The following HIP1 variants were observed in gnomAD, a reference collection of about 807,000 sequenced individuals.
HIP1 encodes huntingtin interacting protein 1.
HIP1 carries 65 observed loss-of-function variants against 147.6 expected under a neutral mutation model. The ratio of observed to expected loss-of-function variants is 0.44; its 90% CI spans 0.36 to 0.54. The LOEUF is 0.54. Ranked by LOEUF, HIP1 falls within the 20% of genes least tolerant of loss-of-function variation. The pLI, the probability that HIP1 is intolerant of heterozygous loss-of-function variation, is 0.00. For missense variants in HIP1, 1,061 were observed against 1,299.6 expected, an observed-to-expected ratio of 0.82 and a Z score of 2.82; for synonymous variants, 479 against 504.0, an observed-to-expected ratio of 0.95 and a Z score of 0.67.
intron 1 of HIP1, among the ~76,000 whole-genome samples, chr7:75,647,188 A>C (rs1798824185): frequency 7.2e-6 from 1 of 138,318 alleles, no homozygotes; most frequent in African/African-American, 2.7e-5. Context: ...CAATATGGCG[A>C]AACCCCATCT....
intron 5 of HIP1, among the ~76,000 whole-genome samples, chr7:75,585,911 C>T (rs1427902105): frequency 6.6e-6 from 1 of 151,844 alleles, no homozygotes; most frequent in Non-Finnish European, 1.5e-5. Context: ...ACTTCCCAGG[C>T]TCAAGGTATC....
chr7:75,554,042 G>A (rs143339513), intron 21 of HIP1, 71 bp downstream of exon 21: 2 of 1,177,774 alleles, frequency 1.7e-6, no homozygotes, highest in African/African-American at 3.0e-5. Context: ...ACTGCGCCCG[G>A]CCCAACAGAG....
At chr7:75,713,898 C>G (rs1445085234) in intron 1 of HIP1, among the ~76,000 whole-genome samples, 3 of 151,750 alleles carry the variant, frequency 2.0e-5, no homozygotes, top group African/African-American at 7.3e-5. Flanking sequence ...CAGGGTTTCA[C>G]TATGTCAGCC....
At chr7:75,725,356 GT>G (rs1189453452) in intron 1 of HIP1, among the ~76,000 whole-genome samples, 2 of 151,854 alleles carry the variant, frequency 1.3e-5, no homozygotes, top group Non-Finnish European at 2.9e-5. Context: ...TTTTAAGTTT[GT>G]ATTTTGAAAT....
intron 1 of HIP1, among the ~76,000 whole-genome samples, chr7:75,623,197 C>CAA (rs36071638): frequency 2.5e-4 from 13 of 51,574 alleles, no homozygotes; most frequent in East Asian, 6.1e-4. Context: ...GACTCCATCT[C>CAA]AAAAAAAAAA....
intron 1 of HIP1, among the ~76,000 whole-genome samples, chr7:75,734,142 A>T (rs1388148556): frequency 6.6e-6 from 1 of 151,950 alleles, no homozygotes; most frequent in Non-Finnish European, 1.5e-5. Flanking sequence ...GCTACTCGAG[A>T]GGCCGAGGCA....
chr7:75,691,705 T>G (rs112770065), intron 1 of HIP1, among the ~76,000 whole-genome samples: 10,568 of 151,976 alleles, frequency 0.07, 554 homozygotes, highest in African/African-American at 0.14. Context: ...GAAGAATTGC[T>G]TGAACCCGGG....
chr7:75,543,900 T>C (rs1281724051), intron 27 of HIP1, among the ~76,000 whole-genome samples: 3 of 151,962 alleles, frequency 2.0e-5, no homozygotes, highest in African/African-American at 7.2e-5. Flanking sequence ...AGGCCAGGTG[T>C]GGTGGCTCAC....
chr7:75,718,581 T>C (rs1480685900), intron 1 of HIP1, among the ~76,000 whole-genome samples: 1 of 152,194 alleles, frequency 6.6e-6, no homozygotes, highest in African/African-American at 2.4e-5. Context: ...CAAACGCCAG[T>C]CCTCCGACTT....
chr7:75,555,061 C>T (rs902489538), intron 19 of HIP1, among the ~76,000 whole-genome samples: 1 of 151,696 alleles, frequency 6.6e-6, no homozygotes, highest in Non-Finnish European at 1.5e-5. Context: ...GTGTTGCGTG[C>T]CTGTAGTCCC....
rs73702655 is a variant in HIP1, at chr7:75,597,879, C to T, written c.184+1305G>A. On this transcript the variant is annotated intron_variant, in intron 2 of 30. Coordinates refer to ENST00000336926, the MANE Select transcript of HIP1 (RefSeq NM_005338.7). ...CCTTTGGGGATTAAGCGCTCCAGTT[C>T]CTGGATTCTGCAACTCAAAGGCAGA... is the stretch of plus-strand genomic sequence containing the variant. Among the ~76,000 whole-genome samples the T allele has an allele frequency of 9.2e-3, 1,403 of 152,244 alleles. 24 individuals are homozygous for T. The highest frequency in any genetic ancestry group is 0.032 in the African/African-American group (1,341 of 41,538).
chr7:75,592,025 A>T, intron 4 of HIP1, 31 bp downstream of exon 4: 1 of 1,568,624 alleles, frequency 6.4e-7, no homozygotes, highest in Non-Finnish European at 8.8e-7. Context: ...AAGGAGAAGC[A>T]GGTGGCTCCT....
At chr7:75,585,185 CT>C (rs71098036) in intron 5 of HIP1, among the ~76,000 whole-genome samples, 8,188 of 133,342 alleles carry the variant, frequency 0.061, 731 homozygotes, top group African/African-American at 0.21. Flanking sequence ...CCCAAAACGT[CT>C]TTTTTTTTTT....
chr7:75,720,564 G>A (rs1289819899), intron 1 of HIP1, among the ~76,000 whole-genome samples: 1 of 152,176 alleles, frequency 6.6e-6, no homozygotes, highest in African/African-American at 2.4e-5. Context: ...ATCTGTGGCT[G>A]CCAGCCTGCA....
chr7:75,568,318 G>T lies in HIP1; in HGVS notation c.746-62C>A. 8.7e-7 allele frequency: 1 copy of T among 1,144,582 alleles called. No individual in the cohort carries two copies. Among genetic ancestry groups the T allele is most frequent in the Non-Finnish European group, 1.3e-6 (1 of 751,998 alleles). The allele number at this position is 1,144,582 out of a possible 1,614,324, so 70.9% of individuals were successfully genotyped here. ...GACCAGAGGGCAGGGAAGCCACAGC[G>T]GGGCTCTCGAGGGGGAGGGGCCCAG... On this transcript the variant is annotated intron_variant, in intron 8 of 30. Transcript: ENST00000336926. This position sits in a 1 kb window ranked among gnomAD's most constrained non-coding sequence, Gnocchi z 4.1.
chr7:75,633,421 C>T (rs2117132978), intron 1 of HIP1, among the ~76,000 whole-genome samples: 1 of 152,092 alleles, frequency 6.6e-6, no homozygotes, highest in South Asian at 2.1e-4. Flanking sequence ...GCCTCCCGAG[C>T]AGCTGGGATT....
In HIP1 at chr7:75,618,967, T is replaced by G. The variant is rs193036015; in HGVS notation, c.121-19720A>C. On this transcript the variant is annotated intron_variant, in intron 1 of 30. Transcript: ENST00000336926. ...CACCTTGGCCTCCCACCCAACATCC[T>G]TGACATCCCACCTTTTGTTCTATTT... Among the ~76,000 whole-genome samples, 264 of 152,186 alleles carry G rather than the reference T, an allele frequency of 1.7e-3. 2 individuals carry two copies. Among genetic ancestry groups the G allele is most frequent in the Middle Eastern group, 0.01 (3 of 294 alleles).
chr7:75,731,851 T>A (rs556754139), intron 1 of HIP1, among the ~76,000 whole-genome samples: 1 of 152,234 alleles, frequency 6.6e-6, no homozygotes, highest in South Asian at 2.1e-4. Flanking sequence ...TGATTGCACA[T>A]GAGAACCACC....
chr7:75,693,156 C>A (rs1305375907), intron 1 of HIP1, among the ~76,000 whole-genome samples: 1 of 150,406 alleles, frequency 6.6e-6, no homozygotes, highest in African/African-American at 2.5e-5. Flanking sequence ...CAGAGCGAAA[C>A]CCTGTCTCAA....
Sources: gnomAD v4.1 joint callset for allele counts (sites outside exome capture counted in the v4.1 genomes callset) on GRCh38, gnomAD v4.1.1 for gene constraint, Gnocchi (gnomAD v3.1) non-coding constraint, MANE v1.5 for transcripts, NCBI Gene and HGNC (gene_info 2026-07-23, HGNC 2026-07-21) for gene names.